The following USP16 variants were observed in gnomAD, a reference collection of about 807,000 sequenced individuals.
USP16 encodes the protein ubiquitin specific peptidase 16, also known as ubiquitin carboxyl-terminal hydrolase 16.
In USP16, 77 loss-of-function variants were observed where a neutral mutation model predicts 95.9. The ratio of observed to expected loss-of-function variants is 0.80; its 90% CI spans 0.67 to 0.97. The LOEUF (loss-of-function observed/expected upper bound fraction) is 0.97, where lower values mean the gene tolerates loss of function less well. USP16 is among the 50% of genes least tolerant of loss of function. The pLI, the probability that USP16 is intolerant of heterozygous loss-of-function variation, is 0.00. For synonymous variants in USP16, 303 were observed against 318.2 expected, an observed-to-expected ratio of 0.95 and a Z score of 0.51; for missense variants, 943 against 959.9, an observed-to-expected ratio of 0.98 and a Z score of 0.23.
chr21:29,048,652 A>G (rs2085366846), intron 14 of USP16, 109 bp from the exon 15 acceptor site: 1 of 824,070 alleles, frequency 1.2e-6, no homozygotes, highest in Admixed American at 2.8e-5. Flanking sequence ...TCATAGAAAA[A>G]GTTTACTGAT....
chr21:29,039,047 G>C lies in USP16; in HGVS notation c.754G>C (p.Glu252Gln), dbSNP rs1309336721. 1 of 1,559,872 alleles carries C rather than the reference G, an allele frequency of 6.4e-7. No homozygotes were observed. The highest frequency in any genetic ancestry group is 8.7e-7 in the Non-Finnish European group (1 of 1,153,138). Reference sequence around the variant, plus strand: ...TCAGGAACCATTAGAAATAAACCTTGAGCCTCCAGGCCCTCTTACTTTAGC... The same window carrying C: ...TCAGGAACCATTAGAAATAAACCTTCAGCCTCCAGGCCCTCTTACTTTAGC... ...ALTEPLEINL[E>Q]PPGPLTLAMS... is the part of the protein sequence containing the mutation. Residue 252 changes from glutamate (E) to glutamine (Q), a missense_variant, in exon 8 of 18, where the codon GAG becomes CAG. Physicochemically the swap from Glu to Gln is conservative, Grantham distance 29. Transcript: ENST00000399976.
chr21:29,034,170 TGAA>T (rs1460867103), intron 3 of USP16, among the ~76,000 whole-genome samples: 6 of 152,252 alleles, frequency 3.9e-5, no homozygotes, highest in Admixed American at 3.3e-4. Context: ...AATATGCATG[TGAA>T]GAAGGAGGCT....
Position 29,048,773 on chromosome 21 carries a change from A to G in USP16, c.2024A>G (p.His675Arg). 1.9e-6 allele frequency: 3 copies of G among 1,613,470 alleles called. No homozygotes were observed. The highest frequency in any genetic ancestry group is 2.2e-5 in the South Asian group (2 of 91,022). Reference protein sequence around the residue: ...PKANIKGERKHVYTNAKKQML... With the variant: ...PKANIKGERKRVYTNAKKQML... ...TTCTTTTCTTTAGGTGAAAGGAAGC[A>G]TGTTTACACCAATGCCAAAAAGCAG... is the stretch of plus-strand genomic sequence containing the variant. Residue 675 changes from histidine to arginine, a missense_variant, in exon 15 of 18, where the codon CAT (histidine) becomes CGT (arginine). Physicochemically the swap from His to Arg is conservative, Grantham distance 29. Transcript: ENST00000399976.
rs1478211817 is a variant in USP16 at position 29,042,066 on chromosome 21, G to A, written c.1084G>A (p.Glu362Lys). 3 of 1,613,318 alleles carry A rather than the reference G, an allele frequency of 1.9e-6. No homozygotes were observed. Among genetic ancestry groups the A allele is most frequent in the Admixed American group, 3.3e-5 (2 of 59,970 alleles). The change falls in exon 11 of 18, where the codon GAA (glutamate) becomes AAA (lysine). Residue 362 changes from glutamate (E) to lysine (K), a missense_variant. Physicochemically the swap from Glu to Lys is moderately conservative, Grantham distance 56. Coordinates refer to ENST00000399976, the MANE Select transcript of USP16 (RefSeq NM_006447.3). The part of the protein sequence containing the change: ...PSFVDRIFGG[E>K]LTSMIMCDQC... ...TTTTGTTGACCGCATCTTTGGTGGT[G>A]AACTAACTAGTATGATCATGTGTGA...
chr21:29,030,937 C>A (rs1601043420), intron 3 of USP16, among the ~76,000 whole-genome samples, 164 bp downstream of exon 3: 1 of 152,218 alleles, frequency 6.6e-6, no homozygotes, highest in African/African-American at 2.4e-5. Context: ...GTGGAGTGTT[C>A]TCTGGTACCA....
At position 29,046,655 on chromosome 21, in the gene USP16, C is replaced by G; in HGVS notation, c.1357-12C>G. The G allele has an allele frequency of 6.3e-7, 1 of 1,586,536 alleles. No individual in the cohort carries two copies. The highest frequency in any genetic ancestry group is 8.5e-7 in the Non-Finnish European group (1 of 1,170,438). ...TTTCTTTATTTTTTGATGCCGTATACTTTTTACCCAGAACCAACGAAGACA... is the reference window on the plus strand; with the variant it reads ...TTTCTTTATTTTTTGATGCCGTATAGTTTTTACCCAGAACCAACGAAGACA... On this transcript the variant is annotated splice_polypyrimidine_tract_variant and intron_variant, in intron 13 of 17. Transcript: ENST00000399976.
rs1391252055 is a variant in USP16 at position 29,054,260 on chromosome 21, CTAAT to C, written c.*77_*80del. The C allele has an allele frequency of 1.3e-6, 2 of 1,508,908 alleles. No individual in the cohort carries two copies. Among genetic ancestry groups the C allele is most frequent in the African/African-American group, 1.4e-5 (1 of 71,640 alleles). The allele number at this position is 1,508,908 out of a possible 1,614,324, so 93.5% of individuals were successfully genotyped here. On this transcript the variant is annotated 3_prime_UTR_variant, in exon 18 of 18. Coordinates refer to ENST00000399976, the MANE Select transcript of USP16 (RefSeq NM_006447.3). ...TGGCTGAAATAACGATAAAAAAAGA[CTAAT>C]TAAAATCATGTTCACTTAACATTAA...
In USP16 at chr21:29,030,606, A is replaced by G; in HGVS notation, c.73A>G (p.Arg25Gly). The G allele has an allele frequency of 6.2e-7, 1 of 1,603,854 alleles. No homozygotes were observed. Among genetic ancestry groups the G allele is most frequent in the Non-Finnish European group, 8.5e-7 (1 of 1,176,788 alleles). The part of the protein sequence containing the change: ...DSSETLEPVC[R>G]HIRKGLEQGN... ...ATTTGTTTTAATAGAACCTGTGTGC[A>G]GACACATTAGAAAAGGATTGGAACA... Residue 25 changes from arginine (R) to glycine (G), a missense_variant, in exon 3 of 18, where the codon AGA becomes GGA. Arg to Gly is a moderately radical substitution (Grantham distance 125). Transcript: ENST00000399976.
chr21:29,028,316 G>A (rs2085025698), intron 2 of USP16, among the ~76,000 whole-genome samples: 3 of 150,598 alleles, frequency 2.0e-5, no homozygotes, highest in East Asian at 1.9e-4. Context: ...TAATAGTGAC[G>A]GGGTTTCCCT....
intron 3 of USP16, 97 bp from the exon 4 acceptor site, chr21:29,034,740 A>G (rs1026006421): frequency 8.9e-7 from 1 of 1,119,778 alleles, no homozygotes; most frequent in African/African-American, 1.6e-5. Context: ...AGAATGGCAG[A>G]ATTTCATGAG....
At chr21:29,035,926 C>A (rs182134920) in intron 4 of USP16, among the ~76,000 whole-genome samples, 33 of 152,012 alleles carry the variant, frequency 2.2e-4, no homozygotes, top group East Asian at 5.8e-4. Flanking sequence ...TCAAAAAAAA[C>A]CAAAAAACAA....
intron 16 of USP16, among the ~76,000 whole-genome samples, chr21:29,050,561 A>G (rs902050734): frequency 1.8e-4 from 27 of 152,340 alleles, no homozygotes; most frequent in African/African-American, 5.8e-4. Flanking sequence ...AAAGTAAACC[A>G]TGCCTCAACT....
chr21:29,038,693 A>G (rs934245099), intron 7 of USP16, among the ~76,000 whole-genome samples: 2 of 152,242 alleles, frequency 1.3e-5, no homozygotes, highest in African/African-American at 4.8e-5. Context: ...TTAGGCTTAC[A>G]TTATTATTTT....
intron 15 of USP16, among the ~76,000 whole-genome samples, chr21:29,049,630 G>A (rs543083313): frequency 1.3e-5 from 2 of 152,268 alleles, no homozygotes; most frequent in South Asian, 2.1e-4. Flanking sequence ...CACGATCATG[G>A]CTCACTGAAG....
At chr21:29,038,052 G>A (rs2085188306) in intron 6 of USP16, among the ~76,000 whole-genome samples, 1 of 152,236 alleles carries the variant, frequency 6.6e-6, no homozygotes, top group African/African-American at 2.4e-5. Context: ...CCTACAGGTA[G>A]TGGTAAGTGG....
intron 3 of USP16, among the ~76,000 whole-genome samples, chr21:29,032,274 C>T (rs1173440911): frequency 6.6e-6 from 1 of 152,142 alleles, no homozygotes; most frequent in Non-Finnish European, 1.5e-5. Flanking sequence ...CTCTCTCACC[C>T]AGGCTGGAGT....
At chr21:29,033,869 G>A (rs2085112626) in intron 3 of USP16, among the ~76,000 whole-genome samples, 1 of 152,170 alleles carries the variant, frequency 6.6e-6, no homozygotes, top group Non-Finnish European at 1.5e-5. Flanking sequence ...GGGAGGAGGT[G>A]GCTTTTGAGC....
In USP16 at chr21:29,039,549, T is replaced by C; in HGVS notation, c.932T>C (p.Met311Thr). 1 of 1,613,130 alleles carries C rather than the reference T, an allele frequency of 6.2e-7. No individual in the cohort carries two copies. Among genetic ancestry groups the C allele is most frequent in the East Asian group, 2.2e-5 (1 of 44,844 alleles). The change falls in exon 9 of 18, where the codon ATG becomes ACG. Residue 311 changes from methionine to threonine, a missense_variant. Transcript: ENST00000399976. Reference sequence around the variant, plus strand: ...CTGCTTCGCTACTTATTGGATGGGATGAGAGCAGAAGAACACCAAGTTAGC... The same window carrying C: ...CTGCTTCGCTACTTATTGGATGGGACGAGAGCAGAAGAACACCAAGTTAGC... ...QELLRYLLDG[M>T]RAEEHQRVSK...
intron 10 of USP16, among the ~76,000 whole-genome samples, 195 bp from the exon 11 acceptor site, chr21:29,041,817 GT>G (rs1452946169): frequency 3.9e-5 from 6 of 152,134 alleles, no homozygotes; most frequent in Non-Finnish European, 8.8e-5. Flanking sequence ...GTTCAATTAT[GT>G]TATGCTCAGA....
Sources: gnomAD v4.1 joint callset for allele counts (sites outside exome capture counted in the v4.1 genomes callset) on GRCh38, gnomAD v4.1.1 for gene constraint, MANE v1.5 for transcripts, NCBI Gene and HGNC (gene_info 2026-07-23, HGNC 2026-07-21) for gene names.